The following RBFOX1 variants were observed in gnomAD, a reference collection of about 807,000 sequenced individuals.
The protein encoded by RBFOX1 is RNA binding fox-1 homolog 1.
In RBFOX1, 8 loss-of-function variants were observed where a neutral mutation model predicts 57.7. The ratio of observed to expected loss-of-function variants is 0.14; its 90% CI spans 0.08 to 0.25. The LOEUF (loss-of-function observed/expected upper bound fraction) is 0.25. RBFOX1 is among the 10% of genes least tolerant of loss of function. RBFOX1 has a pLI of 1.00. For synonymous variants in RBFOX1, 326 were observed against 222.4 expected (o/e 1.47, Z -4.15); for missense variants, 611 against 548.5 (o/e 1.11, Z -1.14).
intron 2 of RBFOX1, among the ~76,000 whole-genome samples, chr16:6,375,855 A>G (rs185937492): frequency 6.6e-6 from 1 of 152,172 alleles, no homozygotes; most frequent in Admixed American, 6.5e-5. Flanking sequence ...CAATGCAAAA[A>G]ACACACTCCC....
intron 3 of RBFOX1, among the ~76,000 whole-genome samples, chr16:5,810,640 G>A (rs1045523186): frequency 7.9e-5 from 12 of 152,166 alleles, no homozygotes; most frequent in African/African-American, 2.9e-4. Context: ...CTCCTAAACA[G>A]CTGTACCACT....
intron 1 of RBFOX1, among the ~76,000 whole-genome samples, chr16:6,022,463 T>C (rs62015778): frequency 0.046 from 7,023 of 152,188 alleles, 225 homozygotes; most frequent in Non-Finnish European, 0.075. Flanking sequence ...GGCGTATTGC[T>C]TGAGTCCAGG....
chr16:6,069,146 C>A (rs1054699822), intron 1 of RBFOX1, among the ~76,000 whole-genome samples: 1 of 152,090 alleles, frequency 6.6e-6, no homozygotes, highest in Non-Finnish European at 1.5e-5. Context: ...CGCATGTAAT[C>A]CCAGCACTTT....
intron 3 of RBFOX1, among the ~76,000 whole-genome samples, chr16:5,815,913 GGT>G (rs1273635425): frequency 6.6e-6 from 1 of 152,166 alleles, no homozygotes. Context: ...AAATCCACCG[GGT>G]GGTGTGGATT....
intron 3 of RBFOX1, among the ~76,000 whole-genome samples, chr16:6,952,783 C>T (rs774257353): frequency 1.3e-5 from 2 of 152,162 alleles, no homozygotes; most frequent in Non-Finnish European, 2.9e-5. Flanking sequence ...TGACACCAGC[C>T]TGGCCAACAT....
At chr16:6,078,097 C>T (rs572438749) in intron 1 of RBFOX1, among the ~76,000 whole-genome samples, 49 of 152,290 alleles carry the variant, frequency 3.2e-4, no homozygotes, top group Admixed American at 2.5e-3. Flanking sequence ...TTAGATTTCT[C>T]ATCTTTCCGG....
intron 2 of RBFOX1, among the ~76,000 whole-genome samples, chr16:6,476,005 C>G (rs879519088): frequency 6.6e-6 from 1 of 152,128 alleles, no homozygotes; most frequent in Non-Finnish European, 1.5e-5. Flanking sequence ...TGGGCATAAA[C>G]CAAACCTTGA....
At chr16:5,721,891 CAT>C (rs1745306597) in intron 3 of RBFOX1, among the ~76,000 whole-genome samples, 1 of 152,194 alleles carries the variant, frequency 6.6e-6, no homozygotes, top group South Asian at 2.1e-4. Flanking sequence ...TTCACTGCTT[CAT>C]ATGTGGAAAG....
At chr16:6,443,194 T>C (rs1299071942) in intron 2 of RBFOX1, among the ~76,000 whole-genome samples, 1 of 152,216 alleles carries the variant, frequency 6.6e-6, no homozygotes. Flanking sequence ...AGCATATTCC[T>C]TTCCGGCTGA....
In RBFOX1 at chr16:6,481,560, G is replaced by A. The variant is rs1367301796; in HGVS notation, c.-64+164503G>A. 1.3e-5 allele frequency among the ~76,000 whole-genome samples: 2 copies of A among 152,322 alleles called. 1 individual carries two copies. Among genetic ancestry groups the A allele is most frequent in the South Asian group, 4.1e-4 (2 of 4,826 alleles). Reference sequence around the variant, plus strand: ...TATTCCACTGGGCATGCCAGTGTGTGCTGGGTTAATAATAATACTCTATAT... The same window carrying A: ...TATTCCACTGGGCATGCCAGTGTGTACTGGGTTAATAATAATACTCTATAT... On this transcript the variant is annotated intron_variant, in intron 2 of 15. Transcript: ENST00000550418.
At chr16:7,333,608 T>C (rs1269727354) in intron 4 of RBFOX1, among the ~76,000 whole-genome samples, 5 of 152,196 alleles carry the variant, frequency 3.3e-5, no homozygotes, top group Non-Finnish European at 5.9e-5. Flanking sequence ...TATTGATGGG[T>C]AATTTATGAA....
intron 3 of RBFOX1, among the ~76,000 whole-genome samples, chr16:6,874,774 G>T (rs1189870045): frequency 1.3e-5 from 2 of 152,132 alleles, no homozygotes; most frequent in Non-Finnish European, 2.9e-5. Flanking sequence ...TGGGACTTGA[G>T]GGGAAGGGTG....
At chr16:5,306,360 C>T (rs1279535377) in intron 1 of RBFOX1, among the ~76,000 whole-genome samples, 5 of 150,508 alleles carry the variant, frequency 3.3e-5, no homozygotes, top group Admixed American at 2.0e-4. Context: ...ACCCTTGTCA[C>T]CCAGGCTGTA....
chr16:7,671,121 T>C (rs566414451), intron 13 of RBFOX1, among the ~76,000 whole-genome samples: 164 of 152,336 alleles, frequency 1.1e-3, no homozygotes, highest in African/African-American at 3.9e-3. Context: ...TATGCAGTTA[T>C]GGTTGCTACT....
intron 2 of RBFOX1, among the ~76,000 whole-genome samples, chr16:6,607,688 G>T (rs760445036): frequency 6.6e-6 from 1 of 151,574 alleles, no homozygotes; most frequent in East Asian, 1.9e-4. Context: ...TGCCTATGTG[G>T]GCATGTGAGT....
In RBFOX1 at chr16:6,719,951, G is replaced by T. The variant is rs1011559606; in HGVS notation, c.-16+65301G>T. Among the ~76,000 whole-genome samples, 4 of 151,812 alleles carry T rather than the reference G, an allele frequency of 2.6e-5. No individual in the cohort carries two copies. The South Asian group carries it at 8.3e-4, about 32-fold the overall frequency. ...CTACTAAAAATACAAGAAATTAGCC[G>T]GGGGTGATGGCAGGCGTCTATAATC... On this transcript the variant is annotated intron_variant, in intron 3 of 15. Transcript: ENST00000550418.
intron 3 of RBFOX1, among the ~76,000 whole-genome samples, chr16:6,706,137 C>A (rs1051055508): frequency 6.6e-6 from 1 of 152,138 alleles, no homozygotes; most frequent in Non-Finnish European, 1.5e-5. Context: ...GCATTGTAAT[C>A]TTTGTTGTGT....
intron 7 of RBFOX1, among the ~76,000 whole-genome samples, chr16:7,589,549 G>A (rs555200051): frequency 5.9e-5 from 9 of 151,830 alleles, no homozygotes; most frequent in East Asian, 5.8e-4. Context: ...AGCCTCTCTC[G>A]GTGGGTATGC....
chr16:6,209,876 T>C (rs1008348316), intron 1 of RBFOX1, among the ~76,000 whole-genome samples: 2 of 152,242 alleles, frequency 1.3e-5, no homozygotes, highest in African/African-American at 2.4e-5. Context: ...CAGTTTCTTA[T>C]TAGTTTCATT....
Sources: gnomAD v4.1 joint callset for allele counts (sites outside exome capture counted in the v4.1 genomes callset) on GRCh38, gnomAD v4.1.1 for gene constraint, MANE v1.5 for transcripts, NCBI Gene and HGNC (gene_info 2026-07-23, HGNC 2026-07-21) for gene names.